The following CEP41 variants were observed in gnomAD, a reference collection of about 807,000 sequenced individuals.
CEP41 encodes the protein centrosomal protein of 41 kDa.
CEP41 carries 32 observed loss-of-function variants against 44.3 expected under a neutral mutation model. The observed-to-expected ratio is 0.72, with a 90% confidence interval of 0.54 to 0.97. CEP41 has a LOEUF of 0.97. Ranked by LOEUF, CEP41 falls within the 50% of genes least tolerant of loss-of-function variation. The probability of loss-of-function intolerance (pLI) is 0.00; values close to 1 mark genes in which losing one functional copy is unlikely to be tolerated. For synonymous variants in CEP41, 151 were observed against 168.5 expected (o/e 0.90, Z 0.80); for missense variants, 432 against 455.2 (o/e 0.95, Z 0.46).
At position 130,396,149 on chromosome 7, in the gene CEP41, G is replaced by A. The variant is rs917137873; in HGVS notation, c.*2742C>T. On this transcript the variant is annotated 3_prime_UTR_variant, in exon 11 of 11. Transcript: ENST00000223208. ...ACACAAACCCCTTTAAAGCATTTAA[G>A]GTATTATTTAAACTTTGGCCATCAC... is the stretch of plus-strand genomic sequence containing the variant. The A allele has an allele frequency of 3.5e-5, 16 of 453,448 alleles. No homozygotes were observed. The highest frequency in any genetic ancestry group is 3.0e-4 in the African/African-American group (15 of 49,784). The allele number at this position is 453,448 out of a possible 1,614,324, so 28.1% of individuals were successfully genotyped here. A position where few individuals can be genotyped will look rare whatever the true frequency, so the allele number is the denominator to read the frequency against.
Position 130,397,506 on chromosome 7 carries a change from A to ATT in CEP41, c.*1383_*1384dup, listed in dbSNP as rs55776575. 0.017 allele frequency: 5,049 copies of ATT among 303,028 alleles called. 118 individuals are homozygous for ATT. Among genetic ancestry groups the ATT allele is most frequent in the Middle Eastern group, 0.029 (25 of 864 alleles). 18.8% of individuals were successfully genotyped at this position (303,028 alleles called of 1,614,324 possible). On this transcript the variant is annotated 3_prime_UTR_variant, in exon 11 of 11. Coordinates refer to ENST00000223208, the MANE Select transcript of CEP41 (RefSeq NM_018718.3). ...CCCCATGCTAGAAATACTGTGGTGC[A>ATT]TTTTTTTTTTTTTTTTTTTTTTTTT...
At chr7:130,404,739 T>C (rs967466721) in intron 5 of CEP41, 31 bp from the exon 6 acceptor site, 2 of 1,545,056 alleles carry the variant, frequency 1.3e-6, no homozygotes, top group East Asian at 2.2e-5. Context: ...AATAATTAGA[T>C]TGAACCTCAG....
upstream of CEP41, among the ~76,000 whole-genome samples, chr7:130,441,390 T>A (rs531905537): frequency 6.6e-6 from 1 of 152,290 alleles, no homozygotes; most frequent in South Asian, 2.1e-4. Context: ...CCAGCTCCGT[T>A]TTATGGCCGT....
At chr7:130,407,899 G>A (rs976329478) in intron 5 of CEP41, among the ~76,000 whole-genome samples, 7 of 151,966 alleles carry the variant, frequency 4.6e-5, no homozygotes, top group African/African-American at 1.7e-4. Context: ...TTAGGAAAAA[G>A]ATCTGTAACA....
intron 1 of CEP41, among the ~76,000 whole-genome samples, chr7:130,439,621 A>T (rs573897191): frequency 6.6e-6 from 1 of 152,288 alleles, no homozygotes; most frequent in South Asian, 2.1e-4. Flanking sequence ...AAGTGAGATC[A>T]TGCAGCATTT....
chr7:130,422,899 A>C (rs1405433327), intron 2 of CEP41, among the ~76,000 whole-genome samples: 1 of 152,216 alleles, frequency 6.6e-6, no homozygotes, highest in African/African-American at 2.4e-5. Flanking sequence ...TTTGCAAATC[A>C]TATTTCTGAC....
chr7:130,440,070 A>C (rs1278113602), intron 1 of CEP41, among the ~76,000 whole-genome samples: 1 of 152,174 alleles, frequency 6.6e-6, no homozygotes, highest in Non-Finnish European at 1.5e-5. Flanking sequence ...CCCAGGCTGG[A>C]GTGCAATGGC....
At chr7:130,403,814 G>C (rs1361177676) in intron 6 of CEP41, among the ~76,000 whole-genome samples, 1 of 152,134 alleles carries the variant, frequency 6.6e-6, no homozygotes, top group African/African-American at 2.4e-5. Context: ...ATCTCTTCTT[G>C]AGTGCAATTT....
chr7:130,401,708 C>CGCCTAAAGAGTCAGGATTCTTG (rs1188153532), intron 8 of CEP41, among the ~76,000 whole-genome samples, 173 bp downstream of exon 8: 1 of 152,112 alleles, frequency 6.6e-6, no homozygotes, highest in Non-Finnish European at 1.5e-5. Context: ...TGAAAGCATC[C>CGCCTAAAGAGTCAGGATTCTTG]GCCTAAAGAG....
chr7:130,396,733 T>A lies in CEP41; in HGVS notation c.*2158A>T. 2.2e-6 allele frequency: 1 copy of A among 454,444 alleles called. No homozygotes were observed. Among genetic ancestry groups the A allele is most frequent in the South Asian group, 1.6e-5 (1 of 64,480 alleles). 28.2% of individuals were successfully genotyped at this position (454,444 alleles called of 1,614,324 possible). On this transcript the variant is annotated 3_prime_UTR_variant, in exon 11 of 11. Transcript: ENST00000223208. ...ATTAGAACAGCTCTTTTGAGCATGG[T>A]TATTTAAAATCCTTACCAACAGGGC...
At chr7:130,416,532 A>G (rs2287369) in intron 3 of CEP41, among the ~76,000 whole-genome samples, 23,007 of 152,254 alleles carry the variant, frequency 0.15, 1,748 homozygotes, top group South Asian at 0.19. Context: ...AATGTTCTGA[A>G]GGAAGATATT....
At chr7:130,411,041 C>G in intron 5 of CEP41, 81 bp downstream of exon 5, 1 of 1,229,844 alleles carries the variant, frequency 8.1e-7, no homozygotes, top group Non-Finnish European at 1.2e-6. Flanking sequence ...TCCCTGGGAA[C>G]AGACAGCAAA....
chr7:130,402,458 A>G (rs1408720911), intron 7 of CEP41, among the ~76,000 whole-genome samples, 190 bp downstream of exon 7: 2 of 152,168 alleles, frequency 1.3e-5, no homozygotes, highest in African/African-American at 2.4e-5. Flanking sequence ...TCTGACAGCC[A>G]TCTGTGAAAA....
chr7:130,440,887 C>T, intron 1 of CEP41, 47 bp downstream of exon 1: 1 of 1,601,466 alleles, frequency 6.2e-7, no homozygotes. Flanking sequence ...GAGCCTTTTC[C>T]GGTGCGCCCG....
chr7:130,426,579 A>G (rs1797670025), intron 2 of CEP41: 6 of 443,866 alleles, frequency 1.4e-5, no homozygotes, highest in South Asian at 9.7e-5. Flanking sequence ...CTGTAAAATA[A>G]TATCTAGACT....
Position 130,396,270 on chromosome 7 carries a change from G to C in CEP41, c.*2621C>G. ...AGGGCAGCTAGTCAACCCCTGAGAC[G>C]CTGGTAGGAAGCCATGATCCAGTTG... On this transcript the variant is annotated 3_prime_UTR_variant, in exon 11 of 11. Coordinates refer to ENST00000223208, the MANE Select transcript of CEP41 (RefSeq NM_018718.3). The C allele has an allele frequency of 2.2e-6, 1 of 454,054 alleles. No individual in the cohort carries two copies. Among genetic ancestry groups the C allele is most frequent in the South Asian group, 1.6e-5 (1 of 64,458 alleles). 28.1% of individuals were successfully genotyped at this position (454,054 alleles called of 1,614,324 possible).
intron 6 of CEP41, among the ~76,000 whole-genome samples, chr7:130,403,883 G>A (rs1796928745): frequency 6.6e-6 from 1 of 152,142 alleles, no homozygotes; most frequent in Admixed American, 6.5e-5. Context: ...AATAATAATG[G>A]TGGGATGATG....
Position 130,436,463 on chromosome 7 carries a change from T to C in CEP41, c.33+4471A>G, listed in dbSNP as rs1023345093. Among the ~76,000 whole-genome samples, 5 of 152,316 alleles carry C rather than the reference T, an allele frequency of 3.3e-5. No individual in the cohort carries two copies. The South Asian group carries it at 1.0e-3, about 32-fold the overall frequency. ...TTTCTAGTGATGCAATAGTTCTTTA[T>C]CTTGATTGCAAATCTACATATATGT... On this transcript the variant is annotated intron_variant, in intron 1 of 10. Coordinates refer to ENST00000223208, the MANE Select transcript of CEP41 (RefSeq NM_018718.3).
intron 1 of CEP41, 140 bp from the exon 2 acceptor site, chr7:130,428,158 T>A: frequency 1.5e-6 from 1 of 683,666 alleles, no homozygotes; most frequent in Non-Finnish European, 2.6e-6. Flanking sequence ...GCATGGTGGC[T>A]CACGCCTGTA....
Sources: allele counts gnomAD v4.1 joint callset (sites outside exome capture counted in the v4.1 genomes callset), GRCh38; gene constraint gnomAD v4.1.1; transcripts MANE v1.5; gene names NCBI Gene and HGNC (gene_info 2026-07-23, HGNC 2026-07-21).